Variants in DROSHA observed in about 807,000 individuals in gnomAD.
The protein encoded by DROSHA is drosha ribonuclease III.
In DROSHA, 56 loss-of-function variants were observed where a neutral mutation model predicts 181.9. The ratio of observed to expected loss-of-function variants is 0.31; its 90% CI spans 0.25 to 0.38. DROSHA has a LOEUF of 0.38. DROSHA is among the 10% of genes least tolerant of loss of function. The pLI is 1.00. For synonymous variants in DROSHA, 524 were observed against 591.2 expected, an observed-to-expected ratio of 0.89 and a Z score of 1.65; for missense variants, 1,218 against 1,743.5, an observed-to-expected ratio of 0.70 and a Z score of 5.37.
At chr5:31,475,615 T>C (rs73749961) in intron 16 of DROSHA, among the ~76,000 whole-genome samples, 2,023 of 152,292 alleles carry the variant, frequency 0.013, 49 homozygotes, top group African/African-American at 0.046. Context: ...CTAGGTTCAC[T>C]AGGAACTAAG....
At chr5:31,405,028 G>A (rs980059119) in intron 35 of DROSHA, among the ~76,000 whole-genome samples, 2 of 152,142 alleles carry the variant, frequency 1.3e-5, no homozygotes, top group African/African-American at 4.8e-5. Flanking sequence ...ACCTTCACAC[G>A]TATACTTTTC....
chr5:31,450,675 A>C (rs944127175), intron 21 of DROSHA, among the ~76,000 whole-genome samples: 1 of 152,114 alleles, frequency 6.6e-6, no homozygotes, highest in African/African-American at 2.4e-5. Context: ...CTGGAGACTC[A>C]GATGGGGAGT....
At chr5:31,512,234 G>T (rs923726414) in intron 8 of DROSHA, among the ~76,000 whole-genome samples, 1 of 152,330 alleles carries the variant, frequency 6.6e-6, no homozygotes, top group Non-Finnish European at 1.5e-5. Context: ...TGGGAGTGGC[G>T]ATGCCGGTAT....
intron 13 of DROSHA, among the ~76,000 whole-genome samples, chr5:31,490,686 C>A (rs565808124): frequency 5.3e-5 from 8 of 152,274 alleles, no homozygotes; most frequent in African/African-American, 1.7e-4. Flanking sequence ...GCATGACATG[C>A]TTACTGACAT....
At chr5:31,406,664 T>C (rs1435451730) in intron 34 of DROSHA, among the ~76,000 whole-genome samples, 189 bp downstream of exon 34, 1 of 152,188 alleles carries the variant, frequency 6.6e-6, no homozygotes, top group Non-Finnish European at 1.5e-5. Flanking sequence ...GGTATTCCCA[T>C]GGTCCAGGGC....
In DROSHA at chr5:31,513,871, G is replaced by A. The variant is rs571643929; in HGVS notation, c.1290+1117C>T. On this transcript the variant is annotated intron_variant, in intron 8 of 35. Transcript: ENST00000344624. ...AACATGCCTACTCTGTGGCAAATATGCCTAACAGGATGGAGGCATAACGCC... is the reference window on the plus strand; with the variant it reads ...AACATGCCTACTCTGTGGCAAATATACCTAACAGGATGGAGGCATAACGCC... Among the ~76,000 whole-genome samples, 5 of 152,316 alleles carry A rather than the reference G, an allele frequency of 3.3e-5. No homozygotes were observed. The South Asian group carries it at 1.0e-3, about 32-fold the overall frequency.
rs566814637 is a variant in DROSHA at position 31,507,603 on chromosome 5, G to A, written c.1587+1018C>T. 3.3e-4 allele frequency among the ~76,000 whole-genome samples: 50 copies of A among 152,144 alleles called. 1 individual carries two copies. Among genetic ancestry groups the A allele is most frequent in the Middle Eastern group, 6.8e-3 (2 of 294 alleles). On this transcript the variant is annotated intron_variant, in intron 10 of 35. Coordinates refer to ENST00000344624, the MANE Select transcript of DROSHA (RefSeq NM_001382508.1). The stretch of plus-strand genomic sequence containing the variant: ...TGCACTCCAGCCGGGGCAACAGTGT[G>A]AGACCAGGTCTCAAAAAAAACAAAA...
chr5:31,412,379 G>A, intron 30 of DROSHA, among the ~76,000 whole-genome samples: 1 of 152,222 alleles, frequency 6.6e-6, no homozygotes, highest in Non-Finnish European at 1.5e-5. Context: ...ACAGGAAGCA[G>A]CTGTGAGTTG....
chr5:31,426,319 C>A (rs758106975), intron 27 of DROSHA, among the ~76,000 whole-genome samples: 1 of 152,134 alleles, frequency 6.6e-6, no homozygotes, highest in Non-Finnish European at 1.5e-5. Flanking sequence ...AAGGTCTCTA[C>A]CTTTAGCTGG....
chr5:31,495,140 T>C (rs558718939), intron 12 of DROSHA, 146 bp downstream of exon 12: 1 of 844,446 alleles, frequency 1.2e-6, no homozygotes, highest in Non-Finnish European at 1.8e-6. Flanking sequence ...AGAAACGTCA[T>C]CGTGAGAAAG....
At chr5:31,495,152 C>G in intron 12 of DROSHA, 134 bp downstream of exon 12, 1 of 985,670 alleles carries the variant, frequency 1.0e-6, no homozygotes, top group Non-Finnish European at 1.5e-6. Flanking sequence ...GTGAGAAAGG[C>G]CAATTTGTCA....
chr5:31,526,463 G>A lies in DROSHA; in HGVS notation c.470C>T (p.Pro157Leu). 1 of 1,610,794 alleles carries A rather than the reference G, an allele frequency of 6.2e-7. No homozygotes were observed. Among genetic ancestry groups the A allele is most frequent in the South Asian group, 1.1e-5 (1 of 90,704 alleles). The change falls in exon 5 of 36, where the codon CCT (proline) becomes CTT (leucine). Residue 157 changes from proline to leucine, a missense_variant. Pro to Leu is a moderately conservative substitution (Grantham distance 98, BLOSUM62 -3). This residue lies in a region of DROSHA where 536 missense variants were observed against 535.4 expected (regional missense o/e 1.00). Coordinates refer to ENST00000344624, the MANE Select transcript of DROSHA (RefSeq NM_001382508.1). ...PPPSMPHPPP[P>L]PVMPQQVNYQ... ...ATTAACCTGCTGCGGCATGACTGGA[G>A]GGGGCGGGGGATGAGGCATGGAGGG...
chr5:31,416,678 A>T (rs963680015), intron 30 of DROSHA, among the ~76,000 whole-genome samples: 1 of 152,222 alleles, frequency 6.6e-6, no homozygotes, highest in Non-Finnish European at 1.5e-5. Flanking sequence ...GAGGAAGAGC[A>T]TACACAAAGG....
chr5:31,422,807 C>A lies in DROSHA; in HGVS notation c.3399G>T (p.Val1133=). Residue 1133 remains valine (V), a synonymous_variant, in exon 29 of 36, where the codon GTG becomes GTT. Transcript: ENST00000344624. ...CTCACAGGGTCAGATGGTTAAATCC[C>A]ACAGTTCTCAATGTGAATGCCCTTG... ...LLARAFTLRT[V]GFNHLTLGHN... 1.2e-6 allele frequency: 2 copies of A among 1,613,694 alleles called. No individual in the cohort carries two copies. Among genetic ancestry groups the A allele is most frequent in the South Asian group, 2.2e-5 (2 of 91,066 alleles).
At chr5:31,510,243 C>T (rs115890481) in intron 9 of DROSHA, among the ~76,000 whole-genome samples, 2,317 of 152,280 alleles carry the variant, frequency 0.015, 64 homozygotes, top group African/African-American at 0.053. Flanking sequence ...TGTCTACTGT[C>T]ATCCCTATTT....
intron 19 of DROSHA, 63 bp downstream of exon 19, chr5:31,466,119 A>C (rs1271068043): frequency 1.3e-6 from 2 of 1,527,510 alleles, no homozygotes; most frequent in African/African-American, 1.4e-5. Context: ...GTGATACAAC[A>C]ATCACGAAAT....
At chr5:31,521,309 C>T in intron 5 of DROSHA, 94 bp from the exon 6 acceptor site, 1 of 1,384,540 alleles carries the variant, frequency 7.2e-7, no homozygotes, top group Non-Finnish European at 1.0e-6. Flanking sequence ...AAATGGACCA[C>T]ATCTAGGAAT....
At position 31,421,121 on chromosome 5, in the gene DROSHA, T is replaced by C. The variant is rs543238863; in HGVS notation, c.3525+151A>G. 3.3e-4 allele frequency: 206 copies of C among 625,342 alleles called. 2 individuals carry two copies. The South Asian group carries it at 4.6e-3, about 14-fold the overall frequency. 38.7% of individuals were successfully genotyped at this position (625,342 alleles called of 1,614,324 possible). The stretch of plus-strand genomic sequence containing the variant: ...GAGCTCTCATTGCATATGTGCTTTG[T>C]ATACAATTTGCACAATGAAATGAAC... On this transcript the variant is annotated intron_variant, in intron 30 of 35. Coordinates refer to ENST00000344624, the MANE Select transcript of DROSHA (RefSeq NM_001382508.1).
At chr5:31,415,590 T>C (rs371869342) in intron 30 of DROSHA, among the ~76,000 whole-genome samples, 2 of 152,348 alleles carry the variant, frequency 1.3e-5, no homozygotes, top group East Asian at 1.9e-4. Context: ...TTGAGCTTTT[T>C]ATCTGTAATC....
Sources: allele counts gnomAD v4.1 joint callset (sites outside exome capture counted in the v4.1 genomes callset), GRCh38; gene constraint gnomAD v4.1.1; regional missense constraint gnomAD v4.1.1; transcripts MANE v1.5; gene names NCBI Gene and HGNC (gene_info 2026-07-23, HGNC 2026-07-21).